Variants in DAZAP1 observed in about 807,000 individuals in gnomAD.
DAZAP1 encodes the protein DAZ associated protein 1.
DAZAP1 carries 6 observed loss-of-function variants against 60.1 expected under a neutral mutation model. The observed-to-expected ratio is 0.10, with a 90% CI of 0.05 to 0.20. DAZAP1 has a LOEUF of 0.20. Ranked by LOEUF, DAZAP1 falls within the 10% of genes least tolerant of loss-of-function variation. The pLI, the probability that DAZAP1 is intolerant of heterozygous loss-of-function variation, is 1.00. For synonymous variants in DAZAP1, 235 were observed against 215.9 expected (o/e 1.09, Z -0.78); for missense variants, 366 against 560.4 (o/e 0.65, Z 3.50).
Position 1,425,684 on chromosome 19 carries a change from C to T in DAZAP1, c.464-194C>T, listed in dbSNP as rs548861930. Among the ~76,000 whole-genome samples, 36 of 152,218 alleles carry T rather than the reference C, an allele frequency of 2.4e-4. No homozygotes were observed. Among genetic ancestry groups the T allele is most frequent in the African/African-American group, 8.2e-4 (34 of 41,450 alleles). On this transcript the variant is annotated intron_variant, in intron 6 of 11. Transcript: ENST00000233078. The surrounding 1 kb of genome is among the most constrained non-coding windows in gnomAD (Gnocchi z 5.4). Reference sequence around the variant, plus strand: ...CCGTCACCGGGAGTGCGGACGTCACCGTCTGTCCACTCCGTGTGCAGTCGA... The same window carrying T: ...CCGTCACCGGGAGTGCGGACGTCACTGTCTGTCCACTCCGTGTGCAGTCGA...
Position 1,423,844 on chromosome 19 carries a change from TCC to T in DAZAP1, c.463+1450_463+1451del, listed in dbSNP as rs1486455824. On this transcript the variant is annotated intron_variant, in intron 6 of 11. Transcript: ENST00000233078. The surrounding 1 kb of genome is among the most constrained non-coding windows in gnomAD (Gnocchi z 6.8). ...CCCCTTCTCCTCGCGTCCTGTCCTG[TCC>T]CGTGTGGACGGGACGTGGCGAGTGT... Among the ~76,000 whole-genome samples the T allele has an allele frequency of 1.3e-5, 2 of 152,132 alleles. No individual in the cohort carries two copies. Among genetic ancestry groups the T allele is most frequent in the African/African-American group, 4.8e-5 (2 of 41,430 alleles).
intron 8 of DAZAP1, among the ~76,000 whole-genome samples, chr19:1,429,729 C>T (rs1355688656): frequency 1.3e-5 from 2 of 152,238 alleles, no homozygotes; most frequent in Non-Finnish European, 2.9e-5. Context: ...TCAGCAGACA[C>T]AGTGCCCGCC....
intron 4 of DAZAP1, among the ~76,000 whole-genome samples, chr19:1,420,051 C>T (rs1419501549): frequency 4.4e-5 from 4 of 90,512 alleles, no homozygotes; most frequent in Non-Finnish European, 6.3e-5. Flanking sequence ...TCACCCCACG[C>T]GCACACTCAT....
chr19:1,421,361 C>G lies in DAZAP1; in HGVS notation c.414+103C>G, dbSNP rs1569068653. On this transcript the variant is annotated intron_variant, in intron 5 of 11. Coordinates refer to ENST00000233078, the MANE Select transcript of DAZAP1 (RefSeq NM_018959.4). The stretch of plus-strand genomic sequence containing the variant: ...GTGGCCGAGCCACAGGTGCACGGGC[C>G]TTTCAGGCTGGGAGCTCGCTGTCTC... 4.1e-6 allele frequency: 4 copies of G among 980,092 alleles called. No homozygotes were observed. In the East Asian group the frequency reaches 1.0e-4, roughly 25 times the overall value. 60.7% of individuals were successfully genotyped at this position (980,092 alleles called of 1,614,324 possible).
At position 1,426,879 on chromosome 19, in the gene DAZAP1, C is replaced by T. The variant is rs949368050; in HGVS notation, c.546+919C>T. 1.1e-4 allele frequency: 16 copies of T among 152,180 alleles called. No individual in the cohort carries two copies. The highest frequency in any genetic ancestry group is 5.8e-4 in the East Asian group (3 of 5,196). 9.4% of individuals were successfully genotyped at this position (152,180 alleles called of 1,614,324 possible). A position where few individuals can be genotyped will look rare whatever the true frequency, so the allele number is the denominator to read the frequency against. ...AGCTTCTCCCGTTAACGGAAGAAGA[C>T]GCTTAGCCCCTCTGACAGGGCCATG... is the stretch of plus-strand genomic sequence containing the variant. On this transcript the variant is annotated intron_variant, in intron 7 of 11. Transcript: ENST00000233078. The surrounding 1 kb of genome is among the most constrained non-coding windows in gnomAD (Gnocchi z 5.4).
At chr19:1,411,601 C>T (rs1359105610) in intron 1 of DAZAP1, among the ~76,000 whole-genome samples, 1 of 152,242 alleles carries the variant, frequency 6.6e-6, no homozygotes, top group African/African-American at 2.4e-5. Flanking sequence ...GCAGCATGGA[C>T]CCTGGCGCTT....
intron 1 of DAZAP1, among the ~76,000 whole-genome samples, chr19:1,412,925 C>T (rs775410584): frequency 1.3e-4 from 20 of 152,204 alleles, no homozygotes; most frequent in Non-Finnish European, 2.2e-4. Context: ...GCTCGTCCCA[C>T]GCCTCCCCCA....
At chr19:1,421,308 C>G in intron 5 of DAZAP1, 50 bp downstream of exon 5, 1 of 1,555,726 alleles carries the variant, frequency 6.4e-7, no homozygotes, top group South Asian at 1.1e-5. Flanking sequence ...GCCGCTTCTG[C>G]TCAGGCCTGG....
rs2083310247 is a variant in DAZAP1 at position 1,426,608 on chromosome 19, G to A, written c.546+648G>A. Reference sequence around the variant, plus strand: ...CCCCAGGCCAGCCCTTGGAAGGCATGTGTCAGAAAGGGGTCCCTAAATCCT... The same window carrying A: ...CCCCAGGCCAGCCCTTGGAAGGCATATGTCAGAAAGGGGTCCCTAAATCCT... On this transcript the variant is annotated intron_variant, in intron 7 of 11. Transcript: ENST00000233078. The surrounding 1 kb of genome is among the most constrained non-coding windows in gnomAD (Gnocchi z 5.4). 3 of 152,308 alleles carry A rather than the reference G, an allele frequency of 2.0e-5. No homozygotes were observed. Among genetic ancestry groups the A allele is most frequent in the Admixed American group, 2.0e-4 (3 of 15,286 alleles). 9.4% of individuals were successfully genotyped at this position (152,308 alleles called of 1,614,324 possible).
rs1220357581 is a variant in DAZAP1 at position 1,433,744 on chromosome 19, G to T, written c.1049-993G>T. The T allele has an allele frequency of 6.2e-7, 1 of 1,613,720 alleles. No individual in the cohort carries two copies. Among genetic ancestry groups the T allele is most frequent in the Non-Finnish European group, 8.5e-7 (1 of 1,179,782 alleles). The stretch of plus-strand genomic sequence containing the variant: ...CTGGTCTCGTCTCTTGCCAGGCCTG[G>T]GTTCCTATTCTCCAGCCCCGCCGGG... On this transcript the variant is annotated intron_variant, in intron 11 of 11. Coordinates refer to ENST00000233078, the MANE Select transcript of DAZAP1 (RefSeq NM_018959.4). This position sits in a 1 kb window ranked among gnomAD's most constrained non-coding sequence, Gnocchi z 6.1.
rs1453835935 is a variant in DAZAP1, at chr19:1,425,805, C to A, written c.464-73C>A. On this transcript the variant is annotated intron_variant, in intron 6 of 11. Transcript: ENST00000233078. The surrounding 1 kb of genome is among the most constrained non-coding windows in gnomAD (Gnocchi z 5.4). ...CCCAAGGTCGATCCCTCGGCCCGTC[C>A]CTAATACTGTTCATCATCCTGTTTT... 3.6e-5 allele frequency: 39 copies of A among 1,076,592 alleles called. No homozygotes were observed. The Admixed American group carries it at 6.2e-4, about 17-fold the overall frequency. The allele number at this position is 1,076,592 out of a possible 1,614,324, so 66.7% of individuals were successfully genotyped here.
intron 1 of DAZAP1, among the ~76,000 whole-genome samples, chr19:1,411,263 G>A (rs960577485): frequency 2.0e-5 from 3 of 152,202 alleles, no homozygotes; most frequent in African/African-American, 7.2e-5. Flanking sequence ...CTCTGGCCTG[G>A]ATCACTCTGG....
At chr19:1,429,521 G>T (rs1452968070) in intron 8 of DAZAP1, among the ~76,000 whole-genome samples, 2 of 152,212 alleles carry the variant, frequency 1.3e-5, no homozygotes, top group Non-Finnish European at 2.9e-5. Flanking sequence ...CCGAGTTGTG[G>T]GTCAGGGTTC....
chr19:1,407,681 C>A lies in DAZAP1; in HGVS notation c.-93C>A. 1.0e-6 allele frequency: 1 copy of A among 983,424 alleles called. No individual in the cohort carries two copies. The highest frequency in any genetic ancestry group is 1.2e-6 in the Non-Finnish European group (1 of 821,546). 60.9% of individuals were successfully genotyped at this position (983,424 alleles called of 1,614,324 possible). ...GCCGCCGTTGCGCAGATCCGGGCCG[C>A]GGCTGTGGGGAGGGCGACGGAGCGG... On this transcript the variant is annotated 5_prime_UTR_variant, in exon 1 of 12. Transcript: ENST00000233078.
chr19:1,419,168 G>A (rs2083074674), intron 4 of DAZAP1, among the ~76,000 whole-genome samples: 1 of 152,204 alleles, frequency 6.6e-6, no homozygotes, highest in Admixed American at 6.5e-5. Context: ...TCTGACCTGC[G>A]CCCTGGTGCT....
rs1308541723 is a variant in DAZAP1, at chr19:1,433,584, G to A, written c.1048+894G>A. 6 of 611,190 alleles carry A rather than the reference G, an allele frequency of 9.8e-6. No individual in the cohort carries two copies. The highest frequency in any genetic ancestry group is 3.8e-5 in the South Asian group (2 of 52,890). 37.9% of individuals were successfully genotyped at this position (611,190 alleles called of 1,614,324 possible). On this transcript the variant is annotated intron_variant, in intron 11 of 11. Coordinates refer to ENST00000233078, the MANE Select transcript of DAZAP1 (RefSeq NM_018959.4). This position sits in a 1 kb window ranked among gnomAD's most constrained non-coding sequence, Gnocchi z 6.1. ...GCCCAGGCCTTGGGCCGAGGTTGCC[G>A]CATGTGTGGGTTCTTGACCCACTCA...
At chr19:1,417,045 CAG>C in intron 1 of DAZAP1, 2 of 184,254 alleles carry the variant, frequency 1.1e-5, no homozygotes, top group South Asian at 1.9e-4. Flanking sequence ...ACCCCCGCCC[CAG>C]GCTGTAATTC....
At chr19:1,407,884 C>T (rs2082709722) in intron 1 of DAZAP1, 82 bp downstream of exon 1, 2 of 1,020,828 alleles carry the variant, frequency 2.0e-6, no homozygotes, top group Admixed American at 1.1e-4. Flanking sequence ...GACGCCGCCC[C>T]CCGGGGCCGC....
chr19:1,412,198 C>T (rs188869645), intron 1 of DAZAP1, among the ~76,000 whole-genome samples: 1 of 152,286 alleles, frequency 6.6e-6, no homozygotes, highest in African/African-American at 2.4e-5. Context: ...CCACACCCTG[C>T]AGGCGTGGGC....
Sources: gnomAD v4.1 joint callset for allele counts (sites outside exome capture counted in the v4.1 genomes callset) on GRCh38, gnomAD v4.1.1 for gene constraint, Gnocchi (gnomAD v3.1) non-coding constraint, MANE v1.5 for transcripts, NCBI Gene and HGNC (gene_info 2026-07-23, HGNC 2026-07-21) for gene names.